Variants in LAMA1 observed in about 807,000 individuals in gnomAD.
LAMA1 encodes laminin subunit alpha 1.
Under a neutral mutation model 348.7 loss-of-function variants are expected in LAMA1, and 219 were observed. The observed-to-expected ratio is 0.63, with a 90% CI of 0.56 to 0.70. The LOEUF (loss-of-function observed/expected upper bound fraction) is 0.70, where lower values mean the gene tolerates loss of function less well. Among genes scored for constraint, LAMA1 ranks in the 30% least tolerant of loss-of-function variants. The probability of loss-of-function intolerance (pLI) is 0.00; values close to 1 mark genes in which losing one functional copy is unlikely to be tolerated. For synonymous variants in LAMA1, 1,487 were observed against 1,491.0 expected, an observed-to-expected ratio of 1.00 and a Z score of 0.06; for missense variants, 3,744 against 3,888.0, an observed-to-expected ratio of 0.96 and a Z score of 0.99.
At chr18:7,026,823 C>A (rs778903853) in intron 16 of LAMA1, among the ~76,000 whole-genome samples, 4 of 151,994 alleles carry the variant, frequency 2.6e-5, no homozygotes, top group Non-Finnish European at 5.9e-5. Context: ...CGGTGAAACC[C>A]CATCTCTACT....
intron 1 of LAMA1, among the ~76,000 whole-genome samples, chr18:7,090,755 C>G (rs1598314817): frequency 6.6e-6 from 1 of 151,800 alleles, no homozygotes. Flanking sequence ...AATAAAGACC[C>G]CATACAAACA....
At chr18:7,075,902 A>T (rs1257814308) in intron 3 of LAMA1, among the ~76,000 whole-genome samples, 1 of 151,392 alleles carries the variant, frequency 6.6e-6, no homozygotes, top group East Asian at 2.0e-4. Context: ...ACGCCAATGC[A>T]CTCCAGCCTG....
chr18:7,015,754 G>A lies in LAMA1; in HGVS notation c.3094C>T (p.His1032Tyr), dbSNP rs762727664. Residue 1032 changes from histidine (H) to tyrosine (Y), a missense_variant, in exon 22 of 63, where the codon CAC becomes TAC. His to Tyr is a moderately conservative substitution (Grantham distance 83, BLOSUM62 2). This residue lies in a region of LAMA1 where 1,529 missense variants were observed against 1,689.4 expected (regional missense o/e 0.91). Transcript: ENST00000389658. ...GVKCEECEDG[H>Y]WGYDAEVGCQ... The stretch of plus-strand genomic sequence containing the variant: ...CCCACCTCCGCATCGTAGCCCCAGT[G>A]CCCATCCTCACATTCTTCACACTTC... The A allele has an allele frequency of 2.5e-6, 4 of 1,613,978 alleles. No individual in the cohort carries two copies. Among genetic ancestry groups the A allele is most frequent in the Non-Finnish European group, 1.7e-6 (2 of 1,180,024 alleles).
chr18:6,951,410 TG>T (rs2057546172), intron 57 of LAMA1, among the ~76,000 whole-genome samples: 1 of 152,162 alleles, frequency 6.6e-6, no homozygotes, highest in South Asian at 2.1e-4. Context: ...CCTGAGGCCG[TG>T]GGGGAACCAG....
At chr18:7,073,162 T>C (rs1415423066) in intron 3 of LAMA1, among the ~76,000 whole-genome samples, 1 of 152,190 alleles carries the variant, frequency 6.6e-6, no homozygotes, top group Non-Finnish European at 1.5e-5. Context: ...ATTTGTGCCT[T>C]TAAATGACTG....
chr18:7,057,976 T>G (rs2058089138), intron 3 of LAMA1, among the ~76,000 whole-genome samples: 1 of 151,482 alleles, frequency 6.6e-6, no homozygotes, highest in South Asian at 2.1e-4. Context: ...TTTTAATTTT[T>G]TTTTTTTAGT....
Position 7,044,843 on chromosome 18 carries a change from C to A in LAMA1, c.859-4G>T. On this transcript the variant is annotated splice_region_variant and splice_polypyrimidine_tract_variant and intron_variant, in intron 6 of 62. Transcript: ENST00000389658. ...GCTCACATTGACACTGCAGTTTCTA[C>A]ACAATAAGGAAGCCAAAACTGAATT... 1 of 1,605,638 alleles carries A rather than the reference C, an allele frequency of 6.2e-7. No individual in the cohort carries two copies. The highest frequency in any genetic ancestry group is 1.1e-5 in the South Asian group (1 of 90,916).
rs751256519 is a variant in LAMA1 at position 6,975,972 on chromosome 18, C to T, written c.6454G>A (p.Asp2152Asn). ...LTLNVKTQEP[D>N]NLLFYLGSST... ...CTACCGAGGTAGAAGAGAAGATTAT[C>T]GGGTTCCTGTGTCTTAACATTTAGT... Residue 2152 changes from aspartate to asparagine, a missense_variant, in exon 45 of 63, where the codon GAT becomes AAT. Transcript: ENST00000389658. 1.6e-5 allele frequency: 26 copies of T among 1,614,064 alleles called. No individual in the cohort carries two copies. Among genetic ancestry groups the T allele is most frequent in the Non-Finnish European group, 2.1e-5 (25 of 1,180,026 alleles).
intron 16 of LAMA1, among the ~76,000 whole-genome samples, chr18:7,026,849 T>C (rs930330647): frequency 6.6e-6 from 1 of 152,090 alleles, no homozygotes; most frequent in East Asian, 1.9e-4. Context: ...TACAAAAAAT[T>C]AGCTGGGCTT....
intron 61 of LAMA1, among the ~76,000 whole-genome samples, chr18:6,946,872 G>GCAT (rs1426825452): frequency 6.6e-6 from 1 of 152,128 alleles, no homozygotes; most frequent in Non-Finnish European, 1.5e-5. Flanking sequence ...AAGGGATAGG[G>GCAT]CATCAGGTCA....
chr18:7,026,236 T>G lies in LAMA1; in HGVS notation c.2275-130A>C, dbSNP rs2057942547. ...TAAAACCAGTCACCAACCTCTGAGC[T>G]ATATGAGGAAGGCCTCCTGTTTTCA... On this transcript the variant is annotated intron_variant, in intron 16 of 62. Coordinates refer to ENST00000389658, the MANE Select transcript of LAMA1 (RefSeq NM_005559.4). 6 of 1,087,116 alleles carry G rather than the reference T, an allele frequency of 5.5e-6. No homozygotes were observed. In the South Asian group the frequency reaches 8.2e-5, roughly 15 times the overall value. The allele number at this position is 1,087,116 out of a possible 1,614,324, so 67.3% of individuals were successfully genotyped here. A position where few individuals can be genotyped will look rare whatever the true frequency, so the allele number is the denominator to read the frequency against.
chr18:7,089,638 C>A (rs1210508826), intron 1 of LAMA1, among the ~76,000 whole-genome samples: 1 of 152,226 alleles, frequency 6.6e-6, no homozygotes, highest in Admixed American at 6.5e-5. Context: ...CCTCAATAAA[C>A]CCCCTGTTGC....
At chr18:6,954,132 T>C (rs1283477214) in intron 57 of LAMA1, 2 of 152,116 alleles carry the variant, frequency 1.3e-5, no homozygotes, top group African/African-American at 4.8e-5. Flanking sequence ...ACCATGAACA[T>C]ATTAGAGCAA....
chr18:6,990,814 G>A (rs2144070102), intron 36 of LAMA1, among the ~76,000 whole-genome samples: 1 of 152,128 alleles, frequency 6.6e-6, no homozygotes, highest in South Asian at 2.1e-4. Context: ...TTTGTTCTGG[G>A]TGGGAAAATA....
chr18:7,060,650 G>C (rs1241940569), intron 3 of LAMA1, among the ~76,000 whole-genome samples: 1 of 152,122 alleles, frequency 6.6e-6, no homozygotes, highest in Non-Finnish European at 1.5e-5. Context: ...GACAAATAGA[G>C]GGCACAGAGA....
rs617206 is a variant in LAMA1, at chr18:6,985,632, C to T, written c.5391G>A (p.Leu1797=). 0.46 allele frequency: 740,365 copies of T among 1,608,500 alleles called. 176,323 individuals are homozygous for T. The highest frequency in any genetic ancestry group is 0.72 in the East Asian group (32,205 of 44,840). The part of the protein sequence containing the change: ...ANLREFSDKK[L]HVQEEQNLTS... Reference sequence around the variant, plus strand: ...TCAGATTTTGTTCTTCTTGAACATGCAGCTTTTTATCCTGCAGCAGAAACG... The same window carrying T: ...TCAGATTTTGTTCTTCTTGAACATGTAGCTTTTTATCCTGCAGCAGAAACG... Residue 1797 remains leucine, a synonymous_variant, in exon 38 of 63, where the codon CTG becomes CTA. Coordinates refer to ENST00000389658, the MANE Select transcript of LAMA1 (RefSeq NM_005559.4).
intron 3 of LAMA1, among the ~76,000 whole-genome samples, chr18:7,058,742 T>C (rs6506466): frequency 1 from 152,345 of 152,348 alleles, 76,171 homozygotes; most frequent in Middle Eastern, 1. Flanking sequence ...GTGAGGACAT[T>C]AATGTCTCTT....
Position 7,049,193 on chromosome 18 carries a change from A to C in LAMA1, c.653T>G (p.Phe218Cys). ...AAGGCGAATATATCGTGCAGAAGTG[A>C]ATTCCAACAACTTGGGTGAAAGATC... ...ADDLSPKLLE[F>C]TSARYIRLRL... The change falls in exon 5 of 63, where the codon TTC becomes TGC. Residue 218 changes from phenylalanine (F) to cysteine (C), a missense_variant. Physicochemically the swap from Phe to Cys is radical, Grantham distance 205. Transcript: ENST00000389658. 1 of 1,614,172 alleles carries C rather than the reference A, an allele frequency of 6.2e-7. No individual in the cohort carries two copies. Among genetic ancestry groups the C allele is most frequent in the Non-Finnish European group, 8.5e-7 (1 of 1,180,020 alleles).
chr18:6,958,730 C>A (rs1164092439), intron 54 of LAMA1, 68 bp from the exon 55 acceptor site: 15 of 1,328,980 alleles, frequency 1.1e-5, no homozygotes, highest in Non-Finnish European at 1.6e-5. Context: ...CCATTTTAGT[C>A]CATAATTCCC....
Sources: gnomAD v4.1 joint callset for allele counts (sites outside exome capture counted in the v4.1 genomes callset) on GRCh38, gnomAD v4.1.1 for gene constraint, gnomAD v4.1.1 regional missense constraint, MANE v1.5 for transcripts, NCBI Gene and HGNC (gene_info 2026-07-23, HGNC 2026-07-21) for gene names.